Variants in TPD52 observed in about 807,000 individuals in gnomAD.
The protein encoded by TPD52 is prostate and colon associated protein.
In TPD52, 17 loss-of-function variants were observed where a neutral mutation model predicts 31.3. That is an observed-to-expected ratio of 0.54 (90% confidence interval 0.37 to 0.82). The LOEUF (loss-of-function observed/expected upper bound fraction) is 0.82. Ranked by LOEUF, TPD52 falls within the 40% of genes least tolerant of loss-of-function variation. The pLI is 0.00. For missense variants in TPD52, 212 were observed against 240.1 expected, an observed-to-expected ratio of 0.88 and a Z score of 0.77; for synonymous variants, 83 against 89.6, an observed-to-expected ratio of 0.93 and a Z score of 0.42.
chr8:80,116,174 G>A (rs918547625), intron 1 of TPD52, among the ~76,000 whole-genome samples: 1 of 151,998 alleles, frequency 6.6e-6, no homozygotes, highest in Non-Finnish European at 1.5e-5. Flanking sequence ...TATTAACTGT[G>A]GCATTATTCA....
intron 1 of TPD52, among the ~76,000 whole-genome samples, chr8:80,149,064 A>C (rs890401852): frequency 6.6e-6 from 1 of 152,286 alleles, no homozygotes; most frequent in East Asian, 1.9e-4. Flanking sequence ...CCAATTATTA[A>C]AACAAAACCA....
intron 1 of TPD52, among the ~76,000 whole-genome samples, chr8:80,096,279 CACACACACACAA>C (rs1486490935): frequency 8.2e-6 from 1 of 122,600 alleles, no homozygotes; most frequent in Admixed American, 9.1e-5. Flanking sequence ...GACTATCAAA[CACACACACACAA>C]ACACACACAC....
Position 80,071,851 on chromosome 8 carries a change from A to C in TPD52, c.20-7258T>G, listed in dbSNP as rs188645238. On this transcript the variant is annotated intron_variant, in intron 1 of 7. Transcript: ENST00000518937. ...CTGACGACGCCACTCCCGTGCCTTA[A>C]GTCCTTTGATGGCTTCCCAGCTTCT... Among the ~76,000 whole-genome samples the C allele has an allele frequency of 7.2e-5, 11 of 152,182 alleles. No homozygotes were observed. The East Asian group carries it at 2.1e-3, about 29-fold the overall frequency.
chr8:80,063,743 G>A (rs1812798181), intron 2 of TPD52, among the ~76,000 whole-genome samples: 1 of 151,952 alleles, frequency 6.6e-6, no homozygotes, highest in Non-Finnish European at 1.5e-5. Context: ...GTTGCAATGA[G>A]CCAAGATTGT....
chr8:80,131,052 AG>A (rs921293401), intron 1 of TPD52, among the ~76,000 whole-genome samples: 2 of 152,240 alleles, frequency 1.3e-5, no homozygotes, highest in African/African-American at 4.8e-5. Flanking sequence ...GGGTGGGGTG[AG>A]GGGTAGAGGT....
chr8:80,098,498 T>G (rs1443831658), intron 1 of TPD52, among the ~76,000 whole-genome samples: 1 of 152,092 alleles, frequency 6.6e-6, no homozygotes, highest in Non-Finnish European at 1.5e-5. Context: ...AAGACTTCAG[T>G]GGAGGAAATA....
intron 1 of TPD52, among the ~76,000 whole-genome samples, chr8:80,110,955 C>T (rs374126039): frequency 1.2e-4 from 19 of 152,176 alleles, no homozygotes; most frequent in Non-Finnish European, 2.5e-4. Flanking sequence ...CCTGTAATTC[C>T]AACACTTTGG....
intron 1 of TPD52, among the ~76,000 whole-genome samples, chr8:80,102,173 C>T (rs376666411): frequency 6.6e-6 from 1 of 152,224 alleles, no homozygotes; most frequent in Non-Finnish European, 1.5e-5. Flanking sequence ...GAGGGAGCAG[C>T]TTAGCTGAGT....
intron 1 of TPD52, among the ~76,000 whole-genome samples, chr8:80,082,540 A>G (rs1204623785): frequency 1.3e-5 from 2 of 152,252 alleles, no homozygotes; most frequent in Non-Finnish European, 2.9e-5. Flanking sequence ...TCTCAAGCCC[A>G]TGTCCTTGAC....
chr8:80,099,395 T>G (rs2130921279), intron 1 of TPD52, among the ~76,000 whole-genome samples: 1 of 152,248 alleles, frequency 6.6e-6, no homozygotes, highest in Middle Eastern at 3.4e-3. Flanking sequence ...ACACAATGTT[T>G]TGAATATCTG....
At chr8:80,096,581 T>G (rs942148480) in intron 1 of TPD52, among the ~76,000 whole-genome samples, 18 of 152,344 alleles carry the variant, frequency 1.2e-4, no homozygotes, top group African/African-American at 3.6e-4. Flanking sequence ...TTTGTGTCTC[T>G]GCATCACATT....
chr8:80,129,287 T>C (rs1051498875), intron 1 of TPD52, among the ~76,000 whole-genome samples: 5 of 152,206 alleles, frequency 3.3e-5, no homozygotes, highest in African/African-American at 1.2e-4. Context: ...ATTGAACAAA[T>C]GTTTAATTAT....
rs1282399247 is a variant in TPD52 at position 80,171,508 on chromosome 8, C to T, written c.-65G>A. 9 of 1,502,068 alleles carry T rather than the reference C, an allele frequency of 6.0e-6. No homozygotes were observed. Among genetic ancestry groups the T allele is most frequent in the African/African-American group, 1.5e-5 (1 of 68,386 alleles). The allele number at this position is 1,502,068 out of a possible 1,614,324, so 93.0% of individuals were successfully genotyped here. A position where few individuals can be genotyped will look rare whatever the true frequency, so the allele number is the denominator to read the frequency against. ...GCCTGCAGCCCGTCCCGGCTCGGATCGCCCGCCGCGCCGCGCAGAGCTCCT... is the reference window on the plus strand; with the variant it reads ...GCCTGCAGCCCGTCCCGGCTCGGATTGCCCGCCGCGCCGCGCAGAGCTCCT... On this transcript the variant is annotated 5_prime_UTR_variant, in exon 1 of 8. Transcript: ENST00000518937.
chr8:80,073,655 T>C (rs998792103), intron 1 of TPD52, among the ~76,000 whole-genome samples: 3 of 152,260 alleles, frequency 2.0e-5, no homozygotes, highest in African/African-American at 7.2e-5. Flanking sequence ...TAGGAAGTTA[T>C]ACAGTCAAGT....
chr8:80,080,345 G>C (rs2130823941), intron 1 of TPD52: 1 of 1,614,150 alleles, frequency 6.2e-7, no homozygotes, highest in East Asian at 2.2e-5. Flanking sequence ...GATCCGGGTG[G>C]AGATGAATTT....
intron 1 of TPD52, among the ~76,000 whole-genome samples, chr8:80,125,652 C>G (rs1257007730): frequency 6.6e-6 from 1 of 151,976 alleles, no homozygotes. Flanking sequence ...CAATAAAATA[C>G]AGTATTTTTA....
intron 1 of TPD52, among the ~76,000 whole-genome samples, chr8:80,164,070 G>T (rs1189215714): frequency 6.7e-6 from 1 of 149,874 alleles, no homozygotes; most frequent in African/African-American, 2.4e-5. Context: ...CAGACAGAAA[G>T]GGGAAAGGGG....
chr8:80,060,131 T>C (rs1296658433), intron 2 of TPD52, among the ~76,000 whole-genome samples: 1 of 133,918 alleles, frequency 7.5e-6, no homozygotes, highest in Non-Finnish European at 1.6e-5. Flanking sequence ...GACAAACCTA[T>C]AGCTAGACTG....
At chr8:80,080,485 A>G (rs1430723642) in intron 1 of TPD52, 1 of 1,610,592 alleles carries the variant, frequency 6.2e-7, no homozygotes. Flanking sequence ...TGGCTGTCTA[A>G]TCGCCTGATA....
Sources: allele counts gnomAD v4.1 joint callset (sites outside exome capture counted in the v4.1 genomes callset), GRCh38; gene constraint gnomAD v4.1.1; transcripts MANE v1.5; gene names NCBI Gene and HGNC (gene_info 2026-07-23, HGNC 2026-07-21).